The following EFNA5 variants were observed in gnomAD, a reference collection of about 807,000 sequenced individuals.
EFNA5 encodes ephrin A5.
Under a neutral mutation model 22.9 loss-of-function variants are expected in EFNA5, and 5 were observed. The observed-to-expected ratio is 0.22, with a 90% CI of 0.11 to 0.46. The LOEUF (loss-of-function observed/expected upper bound fraction) is 0.46. EFNA5 is among the 20% of genes least tolerant of loss of function. The pLI, the probability that EFNA5 is intolerant of heterozygous loss-of-function variation, is 0.99. For missense variants in EFNA5, 237 were observed against 293.3 expected (o/e 0.81, Z 1.40); for synonymous variants, 113 against 112.2 (o/e 1.01, Z -0.04).
chr5:107,631,260 C>A (rs1580570250), intron 1 of EFNA5, among the ~76,000 whole-genome samples: 1 of 143,002 alleles, frequency 7.0e-6, no homozygotes, highest in Non-Finnish European at 1.5e-5. Context: ...ACTACAAACA[C>A]ACACACACAC....
chr5:107,476,057 T>TATATATATATATATATATATGTATATATA, intron 1 of EFNA5, among the ~76,000 whole-genome samples: 2 of 100,436 alleles, frequency 2.0e-5, no homozygotes, highest in Non-Finnish European at 3.7e-5. Flanking sequence ...TATATATATA[T>TATATATATATATATATATATGTATATATA]TTTTTTTTTT....
intron 1 of EFNA5, among the ~76,000 whole-genome samples, chr5:107,447,933 C>T (rs1465342187): frequency 2.0e-5 from 3 of 151,888 alleles, no homozygotes; most frequent in East Asian, 1.9e-4. Flanking sequence ...CTGCAACTTC[C>T]GCCTCCCGGG....
intron 1 of EFNA5, among the ~76,000 whole-genome samples, chr5:107,615,540 G>A (rs148811444): frequency 2.6e-5 from 4 of 152,248 alleles, no homozygotes; most frequent in East Asian, 3.9e-4. Context: ...TCAATCAAGC[G>A]TATGATTAGA....
intron 1 of EFNA5, among the ~76,000 whole-genome samples, chr5:107,537,135 C>T (rs1356133304): frequency 6.6e-6 from 1 of 151,914 alleles, no homozygotes; most frequent in Non-Finnish European, 1.5e-5. Context: ...AAGTAGATTT[C>T]TCAAAACTAA....
chr5:107,512,092 T>C (rs757278603), intron 1 of EFNA5, among the ~76,000 whole-genome samples: 16 of 152,174 alleles, frequency 1.1e-4, no homozygotes, highest in Non-Finnish European at 1.9e-4. Context: ...TCGAAAGAAA[T>C]AGAAAGTCAA....
chr5:107,423,132 T>C (rs756687245), intron 2 of EFNA5, among the ~76,000 whole-genome samples: 3 of 152,190 alleles, frequency 2.0e-5, no homozygotes, highest in Non-Finnish European at 4.4e-5. Context: ...ATTTTACAGA[T>C]GTAGAGTTCA....
At chr5:107,650,428 T>A (rs1300539861) in intron 1 of EFNA5, among the ~76,000 whole-genome samples, 1 of 152,138 alleles carries the variant, frequency 6.6e-6, no homozygotes, top group Non-Finnish European at 1.5e-5. Context: ...TGGCAAGAAC[T>A]CTTGTGAAGG....
At chr5:107,384,768 A>ATTTT (rs61305329) in intron 4 of EFNA5, among the ~76,000 whole-genome samples, 64 of 92,804 alleles carry the variant, frequency 6.9e-4, no homozygotes, top group Non-Finnish European at 1.1e-3. Context: ...CACACACCAC[A>ATTTT]TTTTTTTTTT....
In EFNA5 at chr5:107,613,477, T is replaced by C. The variant is rs1373976509; in HGVS notation, c.125+57012A>G. ...GTTAAAAACTGATGCTTGGATGGCA[T>C]AGAATGACCCTTGCTATATGAACTT... On this transcript the variant is annotated intron_variant, in intron 1 of 4. Coordinates refer to ENST00000333274, the MANE Select transcript of EFNA5 (RefSeq NM_001962.3). Among the ~76,000 whole-genome samples the C allele has an allele frequency of 2.0e-5, 3 of 152,084 alleles. No homozygotes were observed. The South Asian group carries it at 6.2e-4, about 31-fold the overall frequency.
At position 107,387,722 on chromosome 5, in the gene EFNA5, G is replaced by C. The variant is rs1747668082; in HGVS notation, c.468C>G (p.Val156=). ...TGAACTTACTTGTTGGTCTCACAAAGACTTTGAGCTTTAGACAGGACCTTC... is the reference window on the plus strand; with the variant it reads ...TGAACTTACTTGTTGGTCTCACAAACACTTTGAGCTTTAGACAGGACCTTC... ...NGRRSCLKLK[V]FVRPTNSCMK... Residue 156 remains valine (V), a synonymous_variant, in exon 3 of 5, where the codon GTC becomes GTG. Coordinates refer to ENST00000333274, the MANE Select transcript of EFNA5 (RefSeq NM_001962.3). 1.2e-6 allele frequency: 2 copies of C among 1,613,004 alleles called. No individual in the cohort carries two copies. The highest frequency in any genetic ancestry group is 1.7e-6 in the Non-Finnish European group (2 of 1,179,356).
intron 2 of EFNA5, among the ~76,000 whole-genome samples, chr5:107,419,662 G>A (rs1748602491): frequency 6.6e-6 from 1 of 152,042 alleles, no homozygotes; most frequent in African/African-American, 2.4e-5. Flanking sequence ...CCACTCTTCT[G>A]TATTAATACA....
At chr5:107,577,077 A>C (rs1748943018) in intron 1 of EFNA5, among the ~76,000 whole-genome samples, 1 of 152,178 alleles carries the variant, frequency 6.6e-6, no homozygotes, top group South Asian at 2.1e-4. Context: ...CAACTACACC[A>C]GTTTTTCGCC....
At chr5:107,548,395 T>C (rs459400) in intron 1 of EFNA5, among the ~76,000 whole-genome samples, 64,818 of 152,050 alleles carry the variant, frequency 0.43, 13,915 homozygotes, top group East Asian at 0.61. Context: ...GTCAAAATAT[T>C]TTTTTCCTGA....
chr5:107,613,888 G>T (rs1749867423), intron 1 of EFNA5, among the ~76,000 whole-genome samples: 2 of 152,050 alleles, frequency 1.3e-5, no homozygotes. Flanking sequence ...AGTTTTCAGA[G>T]CCTCCAATTC....
At chr5:107,641,681 A>G (rs1441114405) in intron 1 of EFNA5, among the ~76,000 whole-genome samples, 1 of 152,178 alleles carries the variant, frequency 6.6e-6, no homozygotes, top group African/African-American at 2.4e-5. Flanking sequence ...TTATGACCTA[A>G]TGATGCATTT....
chr5:107,544,158 CA>C (rs1366030211), intron 1 of EFNA5, among the ~76,000 whole-genome samples: 1 of 152,134 alleles, frequency 6.6e-6, no homozygotes, highest in Non-Finnish European at 1.5e-5. Context: ...CTTACCCAAG[CA>C]ATTAGATCAT....
At chr5:107,410,787 T>TA (rs1258639964) in intron 2 of EFNA5, among the ~76,000 whole-genome samples, 1 of 152,222 alleles carries the variant, frequency 6.6e-6, no homozygotes, top group Admixed American at 6.5e-5. Context: ...CTCCCTCTCT[T>TA]ACATTTGAGA....
At chr5:107,511,041 T>TGTGTGTGTGTGTGTGTGTGTGA (rs1363882358) in intron 1 of EFNA5, among the ~76,000 whole-genome samples, 12 of 149,856 alleles carry the variant, frequency 8.0e-5, no homozygotes, top group African/African-American at 3.0e-4. Flanking sequence ...TGTGTGTGTG[T>TGTGTGTGTGTGTGTGTGTGTGA]GAGACGGAGA....
intron 1 of EFNA5, among the ~76,000 whole-genome samples, chr5:107,648,741 C>G (rs1186221220): frequency 6.6e-6 from 1 of 151,896 alleles, no homozygotes; most frequent in Non-Finnish European, 1.5e-5. Context: ...ATTGTAACTT[C>G]AGTGTGGTTT....
Sources: gnomAD v4.1 joint callset for allele counts (sites outside exome capture counted in the v4.1 genomes callset) on GRCh38, gnomAD v4.1.1 for gene constraint, MANE v1.5 for transcripts, NCBI Gene and HGNC (gene_info 2026-07-23, HGNC 2026-07-21) for gene names.